Variants in TOP1 observed in about 807,000 individuals in gnomAD.
The protein encoded by TOP1 is DNA topoisomerase 1.
A neutral mutation model predicts 111.1 loss-of-function variants in TOP1; 10 were observed. That is an observed-to-expected ratio of 0.09 (90% confidence interval 0.06 to 0.15). The LOEUF (loss-of-function observed/expected upper bound fraction) is 0.15, where lower values mean the gene tolerates loss of function less well. Ranked by LOEUF, TOP1 falls within the 10% of genes least tolerant of loss-of-function variation. The pLI is 1.00. For missense variants in TOP1, 474 were observed against 926.7 expected (o/e 0.51, Z 6.34); for synonymous variants, 271 against 302.9 (o/e 0.89, Z 1.10).
chr20:41,118,041 G>A lies in TOP1; in HGVS notation c.1823-128G>A. On this transcript the variant is annotated intron_variant, in intron 17 of 20. Coordinates refer to ENST00000361337, the MANE Select transcript of TOP1 (RefSeq NM_003286.4). This position sits in a 1 kb window ranked among gnomAD's most constrained non-coding sequence, Gnocchi z 4.6. Reference sequence around the variant, plus strand: ...TGACCTTAGTCCTTGGGGGCAATTTGAATTAATCATCTGAGTAAGATAAGA... The same window carrying A: ...TGACCTTAGTCCTTGGGGGCAATTTAAATTAATCATCTGAGTAAGATAAGA... The A allele has an allele frequency of 9.5e-7, 1 of 1,057,926 alleles. No individual in the cohort carries two copies. Among genetic ancestry groups the A allele is most frequent in the Non-Finnish European group, 1.3e-6 (1 of 754,568 alleles). The allele number at this position is 1,057,926 out of a possible 1,614,324, so 65.5% of individuals were successfully genotyped here.
In TOP1 at chr20:41,110,133, C is replaced by G. The variant is rs2034211373; in HGVS notation, c.1309-2649C>G. Among the ~76,000 whole-genome samples, 1 of 152,038 alleles carries G rather than the reference C, an allele frequency of 6.6e-6. No individual in the cohort carries two copies. The highest frequency in any genetic ancestry group is 2.1e-4 in the South Asian group (1 of 4,826). On this transcript the variant is annotated intron_variant, in intron 13 of 20. Coordinates refer to ENST00000361337, the MANE Select transcript of TOP1 (RefSeq NM_003286.4). This position sits in a 1 kb window ranked among gnomAD's most constrained non-coding sequence, Gnocchi z 4.2. Reference sequence around the variant, plus strand: ...GAAACACCGTCTCTACAAAAAAATACAAAAATTAGCCGAGGGTGGCGCACA... The same window carrying G: ...GAAACACCGTCTCTACAAAAAAATAGAAAAATTAGCCGAGGGTGGCGCACA...
chr20:41,075,412 C>T (rs2145934493), intron 3 of TOP1, among the ~76,000 whole-genome samples: 1 of 152,358 alleles, frequency 6.6e-6, no homozygotes, highest in African/African-American at 2.4e-5. Context: ...ACCTCGTGAT[C>T]CGCCTGCCTC....
Position 41,121,632 on chromosome 20 carries a change from A to G in TOP1, c.1951-64A>G. 7.6e-7 allele frequency: 1 copy of G among 1,307,198 alleles called. No individual in the cohort carries two copies. The highest frequency in any genetic ancestry group is 1.1e-6 in the Non-Finnish European group (1 of 902,106). The allele number at this position is 1,307,198 out of a possible 1,614,324, so 81.0% of individuals were successfully genotyped here. A position where few individuals can be genotyped will look rare whatever the true frequency, so the allele number is the denominator to read the frequency against. On this transcript the variant is annotated intron_variant, in intron 18 of 20. Coordinates refer to ENST00000361337, the MANE Select transcript of TOP1 (RefSeq NM_003286.4). This position sits in a 1 kb window ranked among gnomAD's most constrained non-coding sequence, Gnocchi z 4.2. ...CTGGTCCAGATAACATCTTGGTTTC[A>G]CCTTCTCAGGTGGAGCCATTTTTCC... is the stretch of plus-strand genomic sequence containing the variant.
In TOP1 at chr20:41,032,237, T is replaced by C. The variant is rs200516133; in HGVS notation, c.58+2782T>C. On this transcript the variant is annotated intron_variant, in intron 2 of 20. Coordinates refer to ENST00000361337, the MANE Select transcript of TOP1 (RefSeq NM_003286.4). The surrounding 1 kb of genome is among the most constrained non-coding windows in gnomAD (Gnocchi z 4.3). The stretch of plus-strand genomic sequence containing the variant: ...CCCTCATCCCCTAAGATATAAAAGA[T>C]TCCCCCCCGTCCCCCCACTTTGGAG... Among the ~76,000 whole-genome samples, 5 of 152,042 alleles carry C rather than the reference T, an allele frequency of 3.3e-5. No individual in the cohort carries two copies. The highest frequency in any genetic ancestry group is 4.1e-4 in the South Asian group (2 of 4,820).
chr20:41,042,154 G>A (rs2122597232), intron 2 of TOP1, among the ~76,000 whole-genome samples: 4 of 152,202 alleles, frequency 2.6e-5, no homozygotes, highest in Middle Eastern at 3.4e-3. Flanking sequence ...AAGTGATCCG[G>A]CTGCCTCAGC....
At chr20:41,077,209 C>T (rs767132450) in intron 4 of TOP1, among the ~76,000 whole-genome samples, 29 of 152,192 alleles carry the variant, frequency 1.9e-4, no homozygotes, top group Admixed American at 3.3e-4. Context: ...CATGAGCCAT[C>T]ACATCTGGCC....
chr20:41,042,462 G>A (rs1056952261), intron 2 of TOP1, among the ~76,000 whole-genome samples: 5 of 152,184 alleles, frequency 3.3e-5, no homozygotes, highest in Non-Finnish European at 5.9e-5. Context: ...AGCACAATGA[G>A]CAGGGTTTGT....
rs2034152510 is a variant in TOP1, at chr20:41,106,747, G to GCAGATAC, written c.1308+5395_1308+5401dup. Among the ~76,000 whole-genome samples, 3 of 152,140 alleles carry GCAGATAC rather than the reference G, an allele frequency of 2.0e-5. No homozygotes were observed. Among genetic ancestry groups the GCAGATAC allele is most frequent in the African/African-American group, 7.2e-5 (3 of 41,542 alleles). Reference sequence around the variant, plus strand: ...TGGGGTGTTGGTCTTGTATCTGGCAGCAGATACAAGAGGTGCTCAGAGTTG... The same window carrying GCAGATAC: ...TGGGGTGTTGGTCTTGTATCTGGCAGCAGATACCAGATACAAGAGGTGCTCAGAGTTG... On this transcript the variant is annotated intron_variant, in intron 13 of 20. Coordinates refer to ENST00000361337, the MANE Select transcript of TOP1 (RefSeq NM_003286.4). This position sits in a 1 kb window ranked among gnomAD's most constrained non-coding sequence, Gnocchi z 4.3.
At position 41,115,875 on chromosome 20, in the gene TOP1, G is replaced by T. The variant is rs912215892; in HGVS notation, c.1708-403G>T. Among the ~76,000 whole-genome samples the T allele has an allele frequency of 4.6e-5, 7 of 152,206 alleles. No homozygotes were observed. Among genetic ancestry groups the T allele is most frequent in the African/African-American group, 1.4e-4 (6 of 41,444 alleles). On this transcript the variant is annotated intron_variant, in intron 16 of 20. Coordinates refer to ENST00000361337, the MANE Select transcript of TOP1 (RefSeq NM_003286.4). The surrounding 1 kb of genome is among the most constrained non-coding windows in gnomAD (Gnocchi z 6.3). ...GCACTTTGAGAGGTCAAGTAGGGCA[G>T]ATCCCTTGAGGTCAGGAGTTTGAGA...
intron 8 of TOP1, among the ~76,000 whole-genome samples, chr20:41,090,648 G>A (rs372204329): frequency 2.2e-4 from 34 of 152,058 alleles, no homozygotes; most frequent in Admixed American, 1.3e-4. Flanking sequence ...GATTACAGGC[G>A]TATGCCCCCA....
chr20:41,029,188 C>G lies in TOP1; in HGVS notation c.33+88C>G, dbSNP rs1568666537. On this transcript the variant is annotated intron_variant, in intron 1 of 20. Coordinates refer to ENST00000361337, the MANE Select transcript of TOP1 (RefSeq NM_003286.4). The surrounding 1 kb of genome is among the most constrained non-coding windows in gnomAD (Gnocchi z 6.1). ...GCAGGCCCCGACCCCAGCCCCGGCCCGGCAGCTTTGACAGGCCGGAGCCCC... is the reference window on the plus strand; with the variant it reads ...GCAGGCCCCGACCCCAGCCCCGGCCGGGCAGCTTTGACAGGCCGGAGCCCC... 1 of 1,119,010 alleles carries G rather than the reference C, an allele frequency of 8.9e-7. No individual in the cohort carries two copies. The highest frequency in any genetic ancestry group is 3.2e-5 in the East Asian group (1 of 31,130). 69.3% of individuals were successfully genotyped at this position (1,119,010 alleles called of 1,614,324 possible). A position where few individuals can be genotyped will look rare whatever the true frequency, so the allele number is the denominator to read the frequency against.
rs547380413 is a variant in TOP1, at chr20:41,030,069, C to G, written c.58+614C>G. Among the ~76,000 whole-genome samples, 1 of 151,938 alleles carries G rather than the reference C, an allele frequency of 6.6e-6. No homozygotes were observed. The highest frequency in any genetic ancestry group is 1.9e-4 in the East Asian group (1 of 5,182). ...GCTGTTTATGATAGGAATTATGGCT[C>G]TAAAACTAAAGCCACGCTTTGTGGA... is the stretch of plus-strand genomic sequence containing the variant. On this transcript the variant is annotated intron_variant, in intron 2 of 20. Coordinates refer to ENST00000361337, the MANE Select transcript of TOP1 (RefSeq NM_003286.4). This position sits in a 1 kb window ranked among gnomAD's most constrained non-coding sequence, Gnocchi z 4.1.
intron 2 of TOP1, among the ~76,000 whole-genome samples, chr20:41,039,769 G>A (rs1379598109): frequency 5.3e-5 from 8 of 152,108 alleles, no homozygotes; most frequent in African/African-American, 1.4e-4. Flanking sequence ...CTAGCCGGGC[G>A]TGGTGGCGGG....
Position 41,078,043 on chromosome 20 carries a change from T to C in TOP1, c.335+406T>C, listed in dbSNP as rs1273538728. ...TTCATTTCTCTAAAAAGAAACTTCATATTCAGTAGCGATTATGGAGTTTTC... is the reference window on the plus strand; with the variant it reads ...TTCATTTCTCTAAAAAGAAACTTCACATTCAGTAGCGATTATGGAGTTTTC... On this transcript the variant is annotated intron_variant, in intron 5 of 20. Coordinates refer to ENST00000361337, the MANE Select transcript of TOP1 (RefSeq NM_003286.4). The surrounding 1 kb of genome is among the most constrained non-coding windows in gnomAD (Gnocchi z 5.3). 3.3e-5 allele frequency among the ~76,000 whole-genome samples: 5 copies of C among 151,672 alleles called. No individual in the cohort carries two copies. Among genetic ancestry groups the C allele is most frequent in the African/African-American group, 9.7e-5 (4 of 41,284 alleles).
In TOP1 at chr20:41,037,652, AG is replaced by A. The variant is rs575220777; in HGVS notation, c.58+8198del. 5.0e-3 allele frequency among the ~76,000 whole-genome samples: 764 copies of A among 152,352 alleles called. 4 individuals are homozygous for A. Among genetic ancestry groups the A allele is most frequent in the South Asian group, 9.1e-3 (44 of 4,830 alleles). On this transcript the variant is annotated intron_variant, in intron 2 of 20. Coordinates refer to ENST00000361337, the MANE Select transcript of TOP1 (RefSeq NM_003286.4). ...GAGATTCCATGAAAAAATTTGATAA[AG>A]TCAGTAGAAATTTCAGTAATGGCTC...
At position 41,034,998 on chromosome 20, in the gene TOP1, T is replaced by C. The variant is rs1397756769; in HGVS notation, c.58+5543T>C. The stretch of plus-strand genomic sequence containing the variant: ...TCTGCCTCCTGGGCTCAAGCGATCC[T>C]CCTACCTCACCCTCCCAAGTAGCTG... On this transcript the variant is annotated intron_variant, in intron 2 of 20. Transcript: ENST00000361337. This position sits in a 1 kb window ranked among gnomAD's most constrained non-coding sequence, Gnocchi z 4.0. Among the ~76,000 whole-genome samples the C allele has an allele frequency of 1.3e-5, 2 of 152,102 alleles. No individual in the cohort carries two copies. Among genetic ancestry groups the C allele is most frequent in the African/African-American group, 4.8e-5 (2 of 41,410 alleles).
At position 41,050,701 on chromosome 20, in the gene TOP1, G is replaced by A. The variant is rs2033395437; in HGVS notation, c.59-10693G>A. On this transcript the variant is annotated intron_variant, in intron 2 of 20. Coordinates refer to ENST00000361337, the MANE Select transcript of TOP1 (RefSeq NM_003286.4). ...CCTCAACCATTCCCCTTTTAATGAT[G>A]ACAAGTTTTCAGGCTTTTTCACTGC... Among the ~76,000 whole-genome samples the A allele has an allele frequency of 2.6e-5, 4 of 152,140 alleles. No individual in the cohort carries two copies. In the South Asian group the frequency reaches 8.3e-4, roughly 32 times the overall value.
Position 41,114,289 on chromosome 20 carries a change from C to T in TOP1, c.1638+134C>T. On this transcript the variant is annotated intron_variant, in intron 15 of 20. Coordinates refer to ENST00000361337, the MANE Select transcript of TOP1 (RefSeq NM_003286.4). The surrounding 1 kb of genome is among the most constrained non-coding windows in gnomAD (Gnocchi z 4.5). ...TTGAGACAGGCAACATGGCACATGC[C>T]TGTAGACCCAGCTATTCAGAAGGCT... The T allele has an allele frequency of 1.4e-6, 1 of 726,678 alleles. No homozygotes were observed. Among genetic ancestry groups the T allele is most frequent in the East Asian group, 2.6e-5 (1 of 38,996 alleles). 45.0% of individuals were successfully genotyped at this position (726,678 alleles called of 1,614,324 possible). A position where few individuals can be genotyped will look rare whatever the true frequency, so the allele number is the denominator to read the frequency against.
At chr20:41,105,321 TA>T (rs2034128947) in intron 13 of TOP1, among the ~76,000 whole-genome samples, 2 of 152,216 alleles carry the variant, frequency 1.3e-5, no homozygotes, top group South Asian at 4.1e-4. Context: ...TATTGTAAAA[TA>T]AAAACAGGTT....
Sources: allele counts gnomAD v4.1 joint callset (sites outside exome capture counted in the v4.1 genomes callset), GRCh38; gene constraint gnomAD v4.1.1; non-coding constraint Gnocchi (gnomAD v3.1); transcripts MANE v1.5; gene names NCBI Gene and HGNC (gene_info 2026-07-23, HGNC 2026-07-21).